Variants in STX6 observed in about 807,000 individuals in gnomAD.
STX6 encodes the protein syntaxin 6.
Under a neutral mutation model 38.0 loss-of-function variants are expected in STX6, and 23 were observed. The observed-to-expected ratio is 0.60, with a 90% CI of 0.43 to 0.86. The LOEUF (loss-of-function observed/expected upper bound fraction) is 0.86. Among genes scored for constraint, STX6 ranks in the 40% least tolerant of loss-of-function variants. STX6 has a pLI of 0.00. For missense variants in STX6, 274 were observed against 312.9 expected (o/e 0.88, Z 0.94); for synonymous variants, 123 against 107.5 (o/e 1.14, Z -0.89).
chr1:181,008,802 A>G (rs1656311348), intron 1 of STX6, among the ~76,000 whole-genome samples: 2 of 133,358 alleles, frequency 1.5e-5, no homozygotes, highest in Admixed American at 1.7e-4. Flanking sequence ...TTTATTTTCC[A>G]TGAAGTGACA....
rs765016216 is a variant in STX6 at position 181,002,701 on chromosome 1, G to A, written c.206-1C>T. ...TTTCTAGGATTTGCTTCAACTATGC[G>A]TAGGTCAAAAAGTCAAGGTAAAACA... On this transcript the variant is annotated splice_acceptor_variant, in intron 2 of 7. Transcript: ENST00000258301. LOFTEE classifies it high-confidence loss of function. The A allele has an allele frequency of 1.1e-5, 17 of 1,607,822 alleles. No homozygotes were observed. Among genetic ancestry groups the A allele is most frequent in the Admixed American group, 3.3e-5 (2 of 59,840 alleles).
Position 180,984,674 on chromosome 1 carries a change from T to TACC in STX6, c.691_691+2dup. ...ATGCTTAAGCTTTAAACGCCATACA[T>TACC]ACCACTGGTCATATGAGATACTTTT... is the stretch of plus-strand genomic sequence containing the variant. On this transcript the variant is annotated splice_region_variant and intron_variant, in intron 7 of 7. Transcript: ENST00000258301. The TACC allele has an allele frequency of 7.0e-7, 1 of 1,426,600 alleles. No homozygotes were observed. The highest frequency in any genetic ancestry group is 9.9e-7 in the Non-Finnish European group (1 of 1,011,288). 88.4% of individuals were successfully genotyped at this position (1,426,600 alleles called of 1,614,324 possible). A position where few individuals can be genotyped will look rare whatever the true frequency, so the allele number is the denominator to read the frequency against.
chr1:181,017,254 G>A (rs564454783), intron 1 of STX6, among the ~76,000 whole-genome samples: 35 of 151,108 alleles, frequency 2.3e-4, no homozygotes, highest in African/African-American at 4.6e-4. Flanking sequence ...TTAGCTGGGC[G>A]TGGTGGCGGG....
chr1:181,003,136 G>A (rs1656130617), intron 2 of STX6, among the ~76,000 whole-genome samples: 1 of 152,142 alleles, frequency 6.6e-6, no homozygotes, highest in Non-Finnish European at 1.5e-5. Flanking sequence ...GAGAGATCGG[G>A]CCTTCTTCAG....
rs113856213 is a variant in STX6, at chr1:181,001,004, C to T, written c.300+1602G>A. ...GAACTGGCTAGAAATTAAGAATGTC[C>T]AATCCAAACACTCACTGTGGATGGG... On this transcript the variant is annotated intron_variant, in intron 3 of 7. Transcript: ENST00000258301. Among the ~76,000 whole-genome samples, 605 of 152,194 alleles carry T rather than the reference C, an allele frequency of 4.0e-3. 6 individuals carry two copies. Among genetic ancestry groups the T allele is most frequent in the African/African-American group, 0.013 (559 of 41,538 alleles).
chr1:181,021,007 C>G (rs1347059884), intron 1 of STX6, among the ~76,000 whole-genome samples: 1 of 151,940 alleles, frequency 6.6e-6, no homozygotes, highest in Non-Finnish European at 1.5e-5. Flanking sequence ...AAGATAGGAG[C>G]TAAAATGATG....
intron 7 of STX6, among the ~76,000 whole-genome samples, chr1:180,982,403 A>G (rs1016871532): frequency 1.3e-5 from 2 of 152,252 alleles, no homozygotes; most frequent in African/African-American, 4.8e-5. Context: ...AAAGTGAAGC[A>G]CCGTTCAGGA....
chr1:180,989,065 A>G (rs963040114), intron 5 of STX6: 4 of 152,306 alleles, frequency 2.6e-5, no homozygotes, highest in African/African-American at 4.8e-5. Flanking sequence ...TGCTCCTCAA[A>G]TCCCCAGACA....
intron 3 of STX6, among the ~76,000 whole-genome samples, chr1:180,998,877 C>T (rs1655992196): frequency 6.6e-6 from 1 of 152,216 alleles, no homozygotes; most frequent in Admixed American, 6.5e-5. Flanking sequence ...AGCAGTCAAG[C>T]AACAAGTCCC....
At chr1:181,007,052 T>C (rs1212701680) in intron 1 of STX6, among the ~76,000 whole-genome samples, 4 of 152,184 alleles carry the variant, frequency 2.6e-5, no homozygotes, top group Non-Finnish European at 5.9e-5. Flanking sequence ...TTACTCTTTA[T>C]GGGATCTGGG....
At chr1:181,018,859 A>G (rs1656645114) in intron 1 of STX6, among the ~76,000 whole-genome samples, 1 of 152,236 alleles carries the variant, frequency 6.6e-6, no homozygotes, top group South Asian at 2.1e-4. Context: ...AATGGCCTCA[A>G]GATGAGATTC....
chr1:180,999,460 A>G (rs1052132504), intron 3 of STX6, among the ~76,000 whole-genome samples: 1 of 152,240 alleles, frequency 6.6e-6, no homozygotes, highest in Admixed American at 6.5e-5. Context: ...CCTCAAAAAT[A>G]TGAAAGCTAT....
chr1:181,022,142 G>A (rs1377722735), intron 1 of STX6, among the ~76,000 whole-genome samples: 3 of 151,602 alleles, frequency 2.0e-5, no homozygotes, highest in Non-Finnish European at 4.4e-5. Context: ...ACGCCTCTGG[G>A]CTTGTTGTGG....
rs898099415 is a variant in STX6, at chr1:180,975,912, C to G, written c.*658G>C. On this transcript the variant is annotated 3_prime_UTR_variant, in exon 8 of 8. Transcript: ENST00000258301. The stretch of plus-strand genomic sequence containing the variant: ...TAAAGCCACAAGTTGTTAGCACCCC[C>G]AAACCCCAGGGTGTTTCATTATTTT... 4 of 152,636 alleles carry G rather than the reference C, an allele frequency of 2.6e-5. No homozygotes were observed. Among genetic ancestry groups the G allele is most frequent in the South Asian group, 2.1e-4 (1 of 4,824 alleles). The allele number at this position is 152,636 out of a possible 1,614,324, so 9.5% of individuals were successfully genotyped here.
chr1:181,022,469 G>C (rs1393812134), intron 1 of STX6, among the ~76,000 whole-genome samples, 170 bp downstream of exon 1: 1 of 152,174 alleles, frequency 6.6e-6, no homozygotes, highest in Non-Finnish European at 1.5e-5. Flanking sequence ...TAGGGATGGA[G>C]GGAACGTCTC....
intron 7 of STX6, among the ~76,000 whole-genome samples, chr1:180,979,995 T>C (rs4495657): frequency 0.56 from 85,404 of 151,818 alleles, 24,338 homozygotes; most frequent in East Asian, 0.63. Flanking sequence ...TCACTTGAGG[T>C]TAGGAGTTCA....
intron 6 of STX6, 122 bp from the exon 7 acceptor site, chr1:180,984,893 G>C: frequency 2.1e-6 from 1 of 487,616 alleles, no homozygotes; most frequent in Non-Finnish European, 3.8e-6. Flanking sequence ...TGGGTTTCAG[G>C]ACCTCACTCT....
chr1:180,989,217 C>A (rs1176126419), intron 5 of STX6: 1 of 152,120 alleles, frequency 6.6e-6, no homozygotes, highest in African/African-American at 2.4e-5. Flanking sequence ...ATAGGCCGGG[C>A]GCGGTGGCTC....
Position 181,022,682 on chromosome 1 carries a change from G to T in STX6, c.-9C>A. On this transcript the variant is annotated 5_prime_UTR_variant, in exon 1 of 8. Transcript: ENST00000258301. ...GGGTCCTCCATGGACATGGCGTCCCGGCCCCGGCCGCCTTCACCTCCTCCG... is the reference window on the plus strand; with the variant it reads ...GGGTCCTCCATGGACATGGCGTCCCTGCCCCGGCCGCCTTCACCTCCTCCG... 1.2e-6 allele frequency: 2 copies of T among 1,606,730 alleles called. No individual in the cohort carries two copies. The highest frequency in any genetic ancestry group is 1.7e-6 in the Non-Finnish European group (2 of 1,177,196).
Sources: allele counts gnomAD v4.1 joint callset (sites outside exome capture counted in the v4.1 genomes callset), GRCh38; gene constraint gnomAD v4.1.1; transcripts MANE v1.5; gene names NCBI Gene and HGNC (gene_info 2026-07-23, HGNC 2026-07-21).